The following VPS18 variants were observed in gnomAD, a reference collection of about 807,000 sequenced individuals.
VPS18 encodes vacuolar protein sorting-associated protein 18 homolog.
In VPS18, 25 loss-of-function variants were observed where a neutral mutation model predicts 82.0. That is an observed-to-expected ratio of 0.30 (90% CI 0.22 to 0.43). VPS18 has a LOEUF of 0.43. Ranked by LOEUF, VPS18 falls within the 20% of genes least tolerant of loss-of-function variation. The pLI is 1.00. For synonymous variants in VPS18, 523 were observed against 543.0 expected (o/e 0.96, Z 0.51); for missense variants, 1,168 against 1,311.1 (o/e 0.89, Z 1.69).
Position 40,903,292 on chromosome 15 carries a change from C to T in VPS18, c.2873C>T (p.Pro958Leu), listed in dbSNP as rs758597860. The T allele has an allele frequency of 1.8e-5, 28 of 1,563,976 alleles. No individual in the cohort carries two copies. Among genetic ancestry groups the T allele is most frequent in the Non-Finnish European group, 2.3e-5 (27 of 1,155,950 alleles). The change falls in exon 5 of 5, where the codon CCG becomes CTG. Residue 958 changes from proline to leucine, a missense_variant. This residue lies in a region of VPS18 where 296 missense variants were observed against 354.0 expected (regional missense o/e 0.84). Transcript: ENST00000220509. ...GELMIRSIDR[P>L]FIDPQRYEEE... ...CTGATGATCCGCTCTATCGACCGGC[C>T]GTTCATCGACCCCCAGCGCTACGAG...
intron 2 of VPS18, among the ~76,000 whole-genome samples, chr15:40,897,712 G>A (rs1892252783): frequency 6.6e-6 from 1 of 152,074 alleles, no homozygotes; most frequent in Admixed American, 6.6e-5. Context: ...GAAGCTCTTG[G>A]CATGGTGCTT....
At chr15:40,901,513 G>A (rs1288532252) in intron 4 of VPS18, among the ~76,000 whole-genome samples, 2 of 151,926 alleles carry the variant, frequency 1.3e-5, no homozygotes, top group Non-Finnish European at 2.9e-5. Context: ...CTTGAACCTG[G>A]GAGGTAGAGG....
Position 40,899,527 on chromosome 15 carries a change from G to GA in VPS18, c.710dup (p.Ala239GlyfsTer2). 6.2e-7 allele frequency: 1 copy of GA among 1,609,966 alleles called. No individual in the cohort carries two copies. Among genetic ancestry groups the GA allele is most frequent in the East Asian group, 2.2e-5 (1 of 44,888 alleles). Reference sequence around the variant, plus strand: ...CTTCCAGTTCATAGGCCGAGCAGCAGAGGGGGCTGAGGCCCAGGGTTTCTC... The same window carrying GA: ...CTTCCAGTTCATAGGCCGAGCAGCAGAAGGGGGCTGAGGCCCAGGGTTTCTC... On this transcript the variant is annotated frameshift_variant, in exon 4 of 5. Transcript: ENST00000220509. LOFTEE classifies it high-confidence loss of function. The surrounding 1 kb of genome is among the most constrained non-coding windows in gnomAD (Gnocchi z 4.4).
At chr15:40,898,355 C>T (rs1179361131) in intron 2 of VPS18, among the ~76,000 whole-genome samples, 6 of 151,852 alleles carry the variant, frequency 4.0e-5, no homozygotes, top group Non-Finnish European at 8.8e-5. Flanking sequence ...CGCCTCTGTG[C>T]CCCTAAAAGC....
intron 1 of VPS18, 43 bp downstream of exon 1, chr15:40,894,902 G>T: frequency 6.6e-7 from 1 of 1,525,598 alleles, no homozygotes; most frequent in Non-Finnish European, 8.8e-7. Context: ...GGCTCTCCTA[G>T]CATTTGCGTG....
Position 40,898,240 on chromosome 15 carries a change from C to T in VPS18, c.234-667C>T, listed in dbSNP as rs549518476. Among the ~76,000 whole-genome samples, 422 of 151,504 alleles carry T rather than the reference C, an allele frequency of 2.8e-3. 2 individuals carry two copies. Among genetic ancestry groups the T allele is most frequent in the Non-Finnish European group, 4.3e-3 (289 of 67,888 alleles). ...AAGTGCTGGGATTACAGGCGTGAGC[C>T]ACCGCGCCCGGCCTTTTTTTTTTTT... On this transcript the variant is annotated intron_variant, in intron 2 of 4. Coordinates refer to ENST00000220509, the MANE Select transcript of VPS18 (RefSeq NM_020857.3).
At chr15:40,898,674 T>C in intron 2 of VPS18, 2 of 563,640 alleles carry the variant, frequency 3.5e-6, no homozygotes, top group South Asian at 2.0e-5. Context: ...GATTTCGCCA[T>C]GTTGCCCAGT....
rs1362259047 is a variant in VPS18 at position 40,900,007 on chromosome 15, G to A, written c.1189G>A (p.Asp397Asn). The A allele has an allele frequency of 1.2e-6, 2 of 1,613,940 alleles. No individual in the cohort carries two copies. The highest frequency in any genetic ancestry group is 1.7e-6 in the Non-Finnish European group (2 of 1,180,044). ...FRYHVQREAR[D>N]VWRTYLDMNR... Reference sequence around the variant, plus strand: ...CTACCACGTGCAACGGGAGGCCCGAGATGTCTGGCGCACCTATCTGGACAT... The same window carrying A: ...CTACCACGTGCAACGGGAGGCCCGAAATGTCTGGCGCACCTATCTGGACAT... Residue 397 changes from aspartate to asparagine, a missense_variant, in exon 4 of 5, where the codon GAT (aspartate) becomes AAT (asparagine). Asp to Asn is a conservative substitution (Grantham distance 23, BLOSUM62 1). Transcript: ENST00000220509. The surrounding 1 kb of genome is among the most constrained non-coding windows in gnomAD (Gnocchi z 5.4).
In VPS18 at chr15:40,900,758, G is replaced by A. The variant is rs753042565; in HGVS notation, c.1940G>A (p.Arg647His). ...GTCCAGCAGGTGAGCCAGGCCATCC[G>A]CTACATGGAGTTCTGCGTGAACGTG... ...GEVQQVSQAI[R>H]YMEFCVNVLG... is the part of the protein sequence containing the mutation. Residue 647 changes from arginine to histidine, a missense_variant, in exon 4 of 5, where the codon CGC (arginine) becomes CAC (histidine). Physicochemically the swap from Arg to His is conservative, Grantham distance 29 (BLOSUM62 0). This residue lies in a region of VPS18 where 868 missense variants were observed against 939.8 expected (regional missense o/e 0.92). Coordinates refer to ENST00000220509, the MANE Select transcript of VPS18 (RefSeq NM_020857.3). The surrounding 1 kb of genome is among the most constrained non-coding windows in gnomAD (Gnocchi z 5.4). 4.3e-6 allele frequency: 7 copies of A among 1,614,056 alleles called. 1 individual carries two copies. Among genetic ancestry groups the A allele is most frequent in the South Asian group, 2.2e-5 (2 of 91,090 alleles).
chr15:40,897,062 G>A (rs972471059), intron 2 of VPS18, among the ~76,000 whole-genome samples: 14 of 152,160 alleles, frequency 9.2e-5, no homozygotes, highest in African/African-American at 3.4e-4. Flanking sequence ...TTGGGAGGCT[G>A]AGGCAGGCAG....
Position 40,899,486 on chromosome 15 carries a change from C to A in VPS18, c.668C>A (p.Thr223Asn). The change falls in exon 4 of 5, where the codon ACC (threonine) becomes AAC (asparagine). Residue 223 changes from threonine to asparagine, a missense_variant. Around this residue, in one of 3 missense-constraint regions of VPS18, gnomAD observed 868 missense variants for 939.8 expected, o/e 0.92. Coordinates refer to ENST00000220509, the MANE Select transcript of VPS18 (RefSeq NM_020857.3). The surrounding 1 kb of genome is among the most constrained non-coding windows in gnomAD (Gnocchi z 4.4). The stretch of plus-strand genomic sequence containing the variant: ...GATGGGCGTAGCTTTGTTATTGCCA[C>A]CACTCGGCAGCGCCTCTTCCAGTTC... ...GPDGRSFVIA[T>N]TRQRLFQFIG... The A allele has an allele frequency of 6.2e-7, 1 of 1,611,340 alleles. No homozygotes were observed. Among genetic ancestry groups the A allele is most frequent in the South Asian group, 1.1e-5 (1 of 91,064 alleles).
rs1465207207 is a variant in VPS18, at chr15:40,896,014, C to T, written c.168C>T (p.Arg56=). The change falls in exon 2 of 5, where the codon CGC becomes CGT. Residue 56 remains arginine, a synonymous_variant. Coordinates refer to ENST00000220509, the MANE Select transcript of VPS18 (RefSeq NM_020857.3). ...KQRIDFTPSE[R]ITSLVVSSNQ... The stretch of plus-strand genomic sequence containing the variant: ...GCATTGACTTCACCCCTTCCGAGCG[C>T]ATTACCAGTCTTGTCGTCTCCAGCA... The T allele has an allele frequency of 1.9e-5, 31 of 1,614,090 alleles. No individual in the cohort carries two copies. In the Admixed American group the frequency reaches 4.2e-4, roughly 22 times the overall value.
chr15:40,898,316 C>T (rs1218831649), intron 2 of VPS18, among the ~76,000 whole-genome samples: 1 of 151,642 alleles, frequency 6.6e-6, no homozygotes, highest in Non-Finnish European at 1.5e-5. Context: ...CCAGGCAGGC[C>T]TCAAACTCCT....
intron 2 of VPS18, 33 bp downstream of exon 2, chr15:40,896,112 G>T: frequency 6.2e-7 from 1 of 1,612,602 alleles, no homozygotes; most frequent in Non-Finnish European, 8.5e-7. Flanking sequence ...TAGGAGTAGG[G>T]ACTAGAGAGG....
At chr15:40,898,724 C>G (rs1383969877) in intron 2 of VPS18, 183 bp from the exon 3 acceptor site, 1 of 681,928 alleles carries the variant, frequency 1.5e-6, no homozygotes, top group East Asian at 2.8e-5. Flanking sequence ...CTACCCACCT[C>G]GGACTCCCAA....
intron 2 of VPS18, among the ~76,000 whole-genome samples, chr15:40,897,482 C>G (rs926104012): frequency 6.6e-6 from 1 of 152,076 alleles, no homozygotes; most frequent in Non-Finnish European, 1.5e-5. Context: ...CAAAACCACC[C>G]TATTTATGTT....
rs775882091 is a variant in VPS18 at position 40,903,014 on chromosome 15, T to C, written c.2595T>C (p.Phe865=). 251 of 1,614,258 alleles carry C rather than the reference T, an allele frequency of 1.6e-4. 1 individual carries two copies. In the Admixed American group the frequency reaches 4.1e-3, roughly 26 times the overall value. ...TCDFPLLNRP[F]YLFLCGHMFH... ...ACTTCCCCCTGCTCAACCGCCCTTT[T>C]TACCTCTTCCTCTGTGGCCATATGT... The change falls in exon 5 of 5, where the codon TTT becomes TTC. Residue 865 remains phenylalanine, a synonymous_variant. Coordinates refer to ENST00000220509, the MANE Select transcript of VPS18 (RefSeq NM_020857.3).
Position 40,902,446 on chromosome 15 carries a change from G to A in VPS18, c.2197-170G>A, listed in dbSNP as rs1892374998. Among the ~76,000 whole-genome samples the A allele has an allele frequency of 6.6e-6, 1 of 152,220 alleles. No individual in the cohort carries two copies. Among genetic ancestry groups the A allele is most frequent in the Non-Finnish European group, 1.5e-5 (1 of 68,046 alleles). On this transcript the variant is annotated intron_variant, in intron 4 of 4. Transcript: ENST00000220509. The surrounding 1 kb of genome is among the most constrained non-coding windows in gnomAD (Gnocchi z 4.2). Reference sequence around the variant, plus strand: ...GATTTCTAACTTCACTAAAATTGGAGCCCTACTACTCTAAGTAGCTTTTAC... The same window carrying A: ...GATTTCTAACTTCACTAAAATTGGAACCCTACTACTCTAAGTAGCTTTTAC...
chr15:40,900,198 C>G lies in VPS18; in HGVS notation c.1380C>G (p.Phe460Leu). The change falls in exon 4 of 5, where the codon TTC becomes TTG. Residue 460 changes from phenylalanine (F) to leucine (L), a missense_variant. Around this residue, in one of 3 missense-constraint regions of VPS18, gnomAD observed 868 missense variants for 939.8 expected, o/e 0.92. Coordinates refer to ENST00000220509, the MANE Select transcript of VPS18 (RefSeq NM_020857.3). The surrounding 1 kb of genome is among the most constrained non-coding windows in gnomAD (Gnocchi z 5.4). ...ACTTTGAGGAGATTGCCCTCAAGTT[C>G]CTGGAGGCCCGACAGGAGGAGGCTC... ...QSYFEEIALK[F>L]LEARQEEALA... The G allele has an allele frequency of 6.2e-7, 1 of 1,613,828 alleles. No individual in the cohort carries two copies. The highest frequency in any genetic ancestry group is 1.3e-5 in the African/African-American group (1 of 75,038).
Sources: allele counts gnomAD v4.1 joint callset (sites outside exome capture counted in the v4.1 genomes callset), GRCh38; gene constraint gnomAD v4.1.1; regional missense constraint gnomAD v4.1.1; non-coding constraint Gnocchi (gnomAD v3.1); transcripts MANE v1.5; gene names NCBI Gene and HGNC (gene_info 2026-07-23, HGNC 2026-07-21).